CNGB3: variants seen among roughly 807,000 people sequenced by gnomAD.
CNGB3 encodes cyclic nucleotide gated channel subunit beta 3.
Under a neutral mutation model 92.8 loss-of-function variants are expected in CNGB3, and 86 were observed. The observed-to-expected ratio is 0.93, with a 90% CI of 0.78 to 1.11. CNGB3 has a LOEUF of 1.11. Among genes scored for constraint, CNGB3 ranks in the 50% least tolerant of loss-of-function variants. The pLI, the probability that CNGB3 is intolerant of heterozygous loss-of-function variation, is 0.00. For synonymous variants in CNGB3, 333 were observed against 332.7 expected (o/e 1.00, Z -0.01); for missense variants, 1,026 against 956.8 (o/e 1.07, Z -0.95).
intron 3 of CNGB3, among the ~76,000 whole-genome samples, chr8:86,704,970 T>C (rs1457700817): frequency 6.6e-6 from 1 of 152,124 alleles, no homozygotes; most frequent in Non-Finnish European, 1.5e-5. Flanking sequence ...ACCCACGAAC[T>C]AGAAATCTGC....
intron 13 of CNGB3, among the ~76,000 whole-genome samples, chr8:86,614,283 C>T (rs1350403296): frequency 6.6e-6 from 1 of 152,044 alleles, no homozygotes; most frequent in African/African-American, 2.4e-5. Flanking sequence ...CCCACTGACC[C>T]CCAGAGCCCA....
intron 15 of CNGB3, among the ~76,000 whole-genome samples, chr8:86,595,638 TATCTC>T (rs147290203): frequency 0.22 from 33,241 of 152,046 alleles, 5,484 homozygotes; most frequent in African/African-American, 0.47. Context: ...AATCGAGTCT[TATCTC>T]TGCTCATACT....
chr8:86,596,789 A>G (rs1003339884), intron 15 of CNGB3, among the ~76,000 whole-genome samples: 5 of 152,240 alleles, frequency 3.3e-5, no homozygotes, highest in African/African-American at 9.6e-5. Context: ...ATGTCCATCA[A>G]TAATAGACTG....
In CNGB3 at chr8:86,591,435, GT is replaced by G. The variant is rs552024865; in HGVS notation, c.1782-12184del. On this transcript the variant is annotated intron_variant, in intron 15 of 17. Transcript: ENST00000320005. ...GGCACTCTGATTTTTAGAGTTTCCAGTTTTTCTGTTCTGTTTTTTCCCCATC... is the reference window on the plus strand; with the variant it reads ...GGCACTCTGATTTTTAGAGTTTCCAGTTTTCTGTTCTGTTTTTTCCCCATC... 9.1e-4 allele frequency among the ~76,000 whole-genome samples: 138 copies of G among 151,486 alleles called. 2 individuals are homozygous for G. Among genetic ancestry groups the G allele is most frequent in the African/African-American group, 3.1e-3 (127 of 41,286 alleles).
chr8:86,652,662 T>C, intron 7 of CNGB3, among the ~76,000 whole-genome samples: 1 of 151,946 alleles, frequency 6.6e-6, no homozygotes, highest in East Asian at 1.9e-4. Flanking sequence ...AGGGTCAGGA[T>C]CATCAATATC....
chr8:86,735,640 A>C (rs1825238237), intron 2 of CNGB3, among the ~76,000 whole-genome samples: 2 of 151,468 alleles, frequency 1.3e-5, no homozygotes, highest in South Asian at 4.2e-4. Context: ...CATCAATCCA[A>C]CTCTGCTTTC....
At chr8:86,716,166 T>C (rs181981399) in intron 3 of CNGB3, among the ~76,000 whole-genome samples, 1 of 152,140 alleles carries the variant, frequency 6.6e-6, no homozygotes, top group African/African-American at 2.4e-5. Context: ...AAATTAACCC[T>C]TCTGACAAAG....
chr8:86,654,195 G>T (rs1274680153), intron 6 of CNGB3, 133 bp from the exon 7 acceptor site: 4 of 682,686 alleles, frequency 5.9e-6, no homozygotes, highest in Non-Finnish European at 1.0e-5. Flanking sequence ...CATATTCCCA[G>T]GTATTAAAAC....
chr8:86,653,985 G>A (rs1461321324), intron 7 of CNGB3, 27 bp downstream of exon 7: 1 of 1,504,518 alleles, frequency 6.6e-7, no homozygotes, highest in South Asian at 1.1e-5. Flanking sequence ...GATCACGTGA[G>A]CAACTTTGAA....
chr8:86,669,439 A>G (rs1160776962), intron 4 of CNGB3, among the ~76,000 whole-genome samples: 1 of 152,246 alleles, frequency 6.6e-6, no homozygotes, highest in East Asian at 1.9e-4. Context: ...TTACAAATAG[A>G]GTATTTTAAA....
At chr8:86,613,877 CATATATAATATAAAAATTATATATGT>C (rs1000702575) in intron 13 of CNGB3, among the ~76,000 whole-genome samples, 5 of 146,622 alleles carry the variant, frequency 3.4e-5, no homozygotes, top group African/African-American at 1.2e-4. Context: ...CATATAAGTA[CATATATAATATAAAAATTATATATGT>C]ATATATAATA....
At chr8:86,659,529 A>G (rs1006580212) in intron 6 of CNGB3, 20 of 597,864 alleles carry the variant, frequency 3.3e-5, no homozygotes, top group Non-Finnish European at 5.9e-5. Flanking sequence ...GCCTGAGGGC[A>G]TCTCTCTCCT....
intron 6 of CNGB3, chr8:86,658,816 C>A: frequency 1.7e-6 from 1 of 592,854 alleles, no homozygotes; most frequent in Non-Finnish European, 3.1e-6. Context: ...TTCTGGAAGA[C>A]TGCATGACTG....
chr8:86,664,970 C>A (rs1346347753), intron 6 of CNGB3, among the ~76,000 whole-genome samples: 2 of 152,136 alleles, frequency 1.3e-5, no homozygotes, highest in East Asian at 3.9e-4. Context: ...CCACCAGACA[C>A]ATGGTTGTTG....
chr8:86,646,624 CGTT>C (rs1411031837), intron 8 of CNGB3, among the ~76,000 whole-genome samples: 1 of 151,096 alleles, frequency 6.6e-6, no homozygotes, highest in African/African-American at 2.4e-5. Context: ...CTATTATTGT[CGTT>C]GTTGTTGTCA....
At chr8:86,661,923 A>C in intron 6 of CNGB3, 1 of 743,422 alleles carries the variant, frequency 1.3e-6, no homozygotes, top group Non-Finnish European at 2.4e-6. Context: ...GGATTCTTGG[A>C]ATCTCTAGGC....
chr8:86,660,916 C>T (rs1040535243), intron 6 of CNGB3: 1 of 297,576 alleles, frequency 3.4e-6, no homozygotes, highest in Non-Finnish European at 6.7e-6. Context: ...AAGAAATACT[C>T]CTACCCCAGA....
intron 15 of CNGB3, among the ~76,000 whole-genome samples, chr8:86,580,976 T>C (rs1202611818): frequency 1.3e-5 from 2 of 152,162 alleles, no homozygotes; most frequent in Non-Finnish European, 2.9e-5. Flanking sequence ...TGCCTGAAGA[T>C]TTATGTTATA....
chr8:86,702,848 A>T (rs1221305782), intron 3 of CNGB3, among the ~76,000 whole-genome samples: 1 of 151,708 alleles, frequency 6.6e-6, no homozygotes, highest in Non-Finnish European at 1.5e-5. Context: ...TCCGTTTTTC[A>T]TGTCTTCTTC....
Sources: allele counts gnomAD v4.1 joint callset (sites outside exome capture counted in the v4.1 genomes callset), GRCh38; gene constraint gnomAD v4.1.1; transcripts MANE v1.5; gene names NCBI Gene and HGNC (gene_info 2026-07-23, HGNC 2026-07-21).